RGS9: variants seen among roughly 807,000 people sequenced by gnomAD.
RGS9 encodes regulator of G-protein signalling 9.
Under a neutral mutation model 102.0 loss-of-function variants are expected in RGS9, and 78 were observed. The ratio of observed to expected loss-of-function variants is 0.76; its 90% CI spans 0.64 to 0.92. RGS9 has a LOEUF of 0.92. RGS9 is among the 40% of genes least tolerant of loss of function. The pLI, the probability that RGS9 is intolerant of heterozygous loss-of-function variation, is 0.00. For missense variants in RGS9, 833 were observed against 866.1 expected (o/e 0.96, Z 0.48); for synonymous variants, 353 against 318.6 (o/e 1.11, Z -1.15).
At chr17:65,227,140 C>A in intron 18 of RGS9, 135 bp from the exon 19 acceptor site, 2 of 1,139,470 alleles carry the variant, frequency 1.8e-6, no homozygotes, top group Non-Finnish European at 1.3e-6. Context: ...TACCCCTGAG[C>A]TATACCTGCC....
chr17:65,206,897 C>A (rs1913083764), intron 15 of RGS9, among the ~76,000 whole-genome samples: 1 of 152,228 alleles, frequency 6.6e-6, no homozygotes, highest in Non-Finnish European at 1.5e-5. Flanking sequence ...TATTCCTAGA[C>A]TCTATCCTAG....
chr17:65,215,520 C>G (rs1183770630), intron 17 of RGS9, among the ~76,000 whole-genome samples: 1 of 137,666 alleles, frequency 7.3e-6, no homozygotes, highest in East Asian at 2.0e-4. Context: ...TTCTTTCTTT[C>G]TTTCTTTCTT....
Position 65,172,780 on chromosome 17 carries a change from C to T in RGS9, c.582+4499C>T, listed in dbSNP as rs78727351. ...TGGTAGGAGGCAGGGGCTCTGCGTC[C>T]GGTTGGGGGTCAGGGAACACAGGAC... On this transcript the variant is annotated intron_variant, in intron 8 of 18. Coordinates refer to ENST00000262406, the MANE Select transcript of RGS9 (RefSeq NM_003835.4). Among the ~76,000 whole-genome samples the T allele has an allele frequency of 2.6e-3, 388 of 152,148 alleles. 2 individuals are homozygous for T. The highest frequency in any genetic ancestry group is 9.1e-3 in the African/African-American group (379 of 41,508).
chr17:65,186,082 A>G (rs1367557939), intron 9 of RGS9, among the ~76,000 whole-genome samples: 3 of 147,856 alleles, frequency 2.0e-5, no homozygotes, highest in African/African-American at 7.8e-5. Context: ...ATTCTGCACC[A>G]TCATGAGTGT....
At chr17:65,189,413 A>G (rs2144062422) in intron 10 of RGS9, 98 bp downstream of exon 10, 1 of 906,740 alleles carries the variant, frequency 1.1e-6, no homozygotes, top group South Asian at 1.3e-5. Context: ...TGAAATGAAA[A>G]CCACGTGCAA....
intron 9 of RGS9, among the ~76,000 whole-genome samples, chr17:65,187,924 A>G (rs1912190860): frequency 6.6e-6 from 1 of 152,140 alleles, no homozygotes; most frequent in East Asian, 1.9e-4. Context: ...TGAACCCTGG[A>G]GGAGGAGGTT....
chr17:65,142,250 A>C (rs1281251155), intron 1 of RGS9, among the ~76,000 whole-genome samples: 2 of 152,196 alleles, frequency 1.3e-5, no homozygotes, highest in East Asian at 3.8e-4. Flanking sequence ...TCTCAAAAAA[A>C]ACCCAAAAAC....
intron 17 of RGS9, among the ~76,000 whole-genome samples, chr17:65,212,352 A>G (rs1252233160): frequency 1.3e-5 from 2 of 152,212 alleles, no homozygotes; most frequent in African/African-American, 4.8e-5. Context: ...CAAGGATTAT[A>G]AAGGAAATTA....
At chr17:65,196,296 CT>C (rs1468326002) in intron 12 of RGS9, among the ~76,000 whole-genome samples, 2 of 152,264 alleles carry the variant, frequency 1.3e-5, no homozygotes, top group East Asian at 3.9e-4. Context: ...GCTTGGCATG[CT>C]TTATCTTGGA....
chr17:65,150,935 C>T (rs1037675602), intron 1 of RGS9, among the ~76,000 whole-genome samples: 1 of 152,154 alleles, frequency 6.6e-6, no homozygotes, highest in Non-Finnish European at 1.5e-5. Flanking sequence ...AAGTTTGAAA[C>T]CTCTGCACAT....
chr17:65,179,901 G>C (rs545663418), intron 9 of RGS9: 6 of 152,260 alleles, frequency 3.9e-5, no homozygotes, highest in African/African-American at 1.4e-4. Context: ...CTGGGTGTAC[G>C]ACAGAGGGTG....
At chr17:65,179,581 G>T (rs906322803) in intron 9 of RGS9, among the ~76,000 whole-genome samples, 2 of 151,876 alleles carry the variant, frequency 1.3e-5, no homozygotes, top group African/African-American at 4.8e-5. Context: ...TCTGAGATGG[G>T]GGGGTGGGAA....
intron 1 of RGS9, among the ~76,000 whole-genome samples, chr17:65,146,491 G>A (rs1910365294): frequency 6.6e-6 from 1 of 151,932 alleles, no homozygotes; most frequent in Non-Finnish European, 1.5e-5. Flanking sequence ...GGGAGGCTGA[G>A]GCAGGAGAAT....
chr17:65,141,439 C>T (rs1910153988), intron 1 of RGS9, among the ~76,000 whole-genome samples: 3 of 152,216 alleles, frequency 2.0e-5, no homozygotes, highest in Admixed American at 1.3e-4. Context: ...TCCTGTGCGG[C>T]TTCTGGCATC....
chr17:65,222,816 G>A (rs569756602), intron 17 of RGS9, among the ~76,000 whole-genome samples: 1 of 152,294 alleles, frequency 6.6e-6, no homozygotes, highest in Non-Finnish European at 1.5e-5. Context: ...CTTTCCTTCA[G>A]TCGCACCCCC....
intron 12 of RGS9, among the ~76,000 whole-genome samples, chr17:65,196,527 C>T (rs1474670062): frequency 6.6e-6 from 1 of 152,190 alleles, no homozygotes; most frequent in Non-Finnish European, 1.5e-5. Context: ...GGAAATCTTT[C>T]CAAACAAGGA....
chr17:65,195,789 A>C (rs972375454), intron 12 of RGS9, among the ~76,000 whole-genome samples: 1 of 152,182 alleles, frequency 6.6e-6, no homozygotes, highest in African/African-American at 2.4e-5. Flanking sequence ...TCTCACCACT[A>C]TCAGCGTTTT....
chr17:65,205,553 T>C (rs1382106623), intron 15 of RGS9, among the ~76,000 whole-genome samples: 1 of 152,080 alleles, frequency 6.6e-6, no homozygotes, highest in Admixed American at 6.5e-5. Flanking sequence ...TGATATAGGT[T>C]ATATGATATA....
chr17:65,158,283 CT>C lies in RGS9; in HGVS notation c.155-10del. 1.9e-6 allele frequency: 3 copies of C among 1,614,048 alleles called. No homozygotes were observed. The highest frequency in any genetic ancestry group is 3.3e-4 in the Middle Eastern group (2 of 6,062). ...GCTATGACAATAACCGCAAATGTCT[CT>C]TGTTTTTCAGGAAGTGATGTTCTGC... On this transcript the variant is annotated splice_polypyrimidine_tract_variant and intron_variant, in intron 2 of 18. Coordinates refer to ENST00000262406, the MANE Select transcript of RGS9 (RefSeq NM_003835.4).
Sources: allele counts gnomAD v4.1 joint callset (sites outside exome capture counted in the v4.1 genomes callset), GRCh38; gene constraint gnomAD v4.1.1; transcripts MANE v1.5; gene names NCBI Gene and HGNC (gene_info 2026-07-23, HGNC 2026-07-21).